Variants in ESRRG observed in about 807,000 individuals in gnomAD.
The protein encoded by ESRRG is estrogen related receptor gamma.
ESRRG carries 13 observed loss-of-function variants against 44.0 expected under a neutral mutation model. That is an observed-to-expected ratio of 0.30 (90% CI 0.19 to 0.47). The LOEUF (loss-of-function observed/expected upper bound fraction) is 0.47. ESRRG is among the 20% of genes least tolerant of loss of function. ESRRG has a pLI of 1.00. For missense variants in ESRRG, 395 were observed against 580.6 expected, an observed-to-expected ratio of 0.68 and a Z score of 3.29; for synonymous variants, 215 against 214.6, an observed-to-expected ratio of 1.00 and a Z score of -0.02.
intron 1 of ESRRG, among the ~76,000 whole-genome samples, chr1:216,977,797 T>C (rs1006898749): frequency 2.0e-5 from 3 of 152,168 alleles, no homozygotes; most frequent in Non-Finnish European, 2.9e-5. Context: ...GTGGGGTCTT[T>C]AAGAGGTGAT....
At chr1:216,803,695 C>A (rs1020255815) in intron 2 of ESRRG, among the ~76,000 whole-genome samples, 1 of 152,132 alleles carries the variant, frequency 6.6e-6, no homozygotes, top group Non-Finnish European at 1.5e-5. Flanking sequence ...ACAATCCCTG[C>A]AGCTCCGAGC....
At position 217,108,948 on chromosome 1, in the gene ESRRG, GAAAT is replaced by G. The variant is rs1327523936; in HGVS notation, c.-230+28715_-230+28718del. ...TCACATGAAACAGCTGCACCAGAGA[GAAAT>G]AAAACAAAACTGTTACATTAAATGG... On this transcript the variant is annotated intron_variant, in intron 1 of 8. Transcript: ENST00000366940. 5.3e-5 allele frequency among the ~76,000 whole-genome samples: 8 copies of G among 152,130 alleles called. No individual in the cohort carries two copies. The East Asian group carries it at 1.5e-3, about 29-fold the overall frequency.
chr1:217,085,481 ATTTTTTTTTTT>A (rs148354268), intron 1 of ESRRG, among the ~76,000 whole-genome samples: 6 of 49,126 alleles, frequency 1.2e-4, no homozygotes, highest in Admixed American at 1.0e-3. Flanking sequence ...TTTTCTTTTC[ATTTTTTTTTTT>A]TTTTTTTTTT....
chr1:216,950,978 A>G (rs568998047), intron 1 of ESRRG, among the ~76,000 whole-genome samples: 1 of 152,314 alleles, frequency 6.6e-6, no homozygotes, highest in South Asian at 2.1e-4. Flanking sequence ...ACAATCCTCT[A>G]ACAAACACTG....
intron 1 of ESRRG, among the ~76,000 whole-genome samples, chr1:217,083,521 A>G (rs2091901388): frequency 6.6e-6 from 1 of 152,206 alleles, no homozygotes; most frequent in African/African-American, 2.4e-5. Context: ...AAATGAAGAA[A>G]CAAAGGTTCA....
chr1:217,016,775 C>T (rs2079445618), intron 1 of ESRRG, among the ~76,000 whole-genome samples: 1 of 152,114 alleles, frequency 6.6e-6, no homozygotes, highest in Admixed American at 6.5e-5. Flanking sequence ...TAAATGGATC[C>T]AATTTGGCCA....
At chr1:216,535,957 T>A (rs536426393) in intron 5 of ESRRG, among the ~76,000 whole-genome samples, 10 of 152,220 alleles carry the variant, frequency 6.6e-5, no homozygotes, top group African/African-American at 1.9e-4. Context: ...TATCATACTG[T>A]AATCACCAAT....
intron 2 of ESRRG, among the ~76,000 whole-genome samples, chr1:216,898,020 T>A (rs1304478959): frequency 6.6e-6 from 1 of 152,156 alleles, no homozygotes; most frequent in Non-Finnish European, 1.5e-5. Context: ...TGCATCCACA[T>A]GTTAAACCAC....
chr1:216,797,279 T>G (rs545075057), intron 2 of ESRRG, among the ~76,000 whole-genome samples: 1 of 152,304 alleles, frequency 6.6e-6, no homozygotes, highest in Admixed American at 6.5e-5. Flanking sequence ...AACTCCATAC[T>G]TTATTCAGAT....
chr1:216,645,347 A>G (rs1180426347), intron 3 of ESRRG, among the ~76,000 whole-genome samples: 2 of 152,108 alleles, frequency 1.3e-5, no homozygotes, highest in Non-Finnish European at 1.5e-5. Flanking sequence ...CATCATCATC[A>G]TCATCATCAT....
chr1:217,103,176 T>C lies in ESRRG; in HGVS notation c.-230+34491A>G, dbSNP rs142194624. Among the ~76,000 whole-genome samples the C allele has an allele frequency of 9.2e-5, 14 of 152,278 alleles. No homozygotes were observed. In the East Asian group the frequency reaches 2.7e-3, roughly 29 times the overall value. On this transcript the variant is annotated intron_variant, in intron 1 of 8. Transcript: ENST00000366940. ...CATGTTTATTCTGTTCATTTGAGCT[T>C]GCTTGCAGGGAGTGGAAGTTGATCG...
intron 3 of ESRRG, among the ~76,000 whole-genome samples, chr1:216,640,732 T>G (rs1228116590): frequency 1.3e-5 from 2 of 152,070 alleles, no homozygotes; most frequent in Non-Finnish European, 2.9e-5. Flanking sequence ...ATTAAATGAG[T>G]CTTATTCAAG....
intron 4 of ESRRG, among the ~76,000 whole-genome samples, chr1:216,565,945 A>G (rs113188845): frequency 6.6e-6 from 1 of 151,174 alleles, no homozygotes; most frequent in East Asian, 1.9e-4. Flanking sequence ...AATAGTAAAG[A>G]GCATAAAAAT....
chr1:216,950,078 G>T (rs1033648418), intron 1 of ESRRG, among the ~76,000 whole-genome samples: 1 of 152,150 alleles, frequency 6.6e-6, no homozygotes, highest in Non-Finnish European at 1.5e-5. Flanking sequence ...CTCCCAAAGT[G>T]CTGGGATTAT....
chr1:216,939,442 A>G (rs972694061), intron 2 of ESRRG: 1 of 151,652 alleles, frequency 6.6e-6, no homozygotes, highest in African/African-American at 2.4e-5. Context: ...ATACCTTACT[A>G]TGAAATACTA....
chr1:216,991,625 ATGGGATG>A (rs1464206208), intron 1 of ESRRG, among the ~76,000 whole-genome samples: 1 of 22,556 alleles, frequency 4.4e-5, no homozygotes, highest in African/African-American at 3.9e-4. Context: ...ATAGGATGGG[ATGGGATG>A]GGATGGGATG....
chr1:216,993,708 T>A (rs966310934), intron 1 of ESRRG, among the ~76,000 whole-genome samples: 3 of 152,204 alleles, frequency 2.0e-5, no homozygotes, highest in Admixed American at 2.0e-4. Flanking sequence ...CCCTGTTGAA[T>A]GACTCACTCC....
At chr1:217,056,473 C>G (rs903155630) in intron 1 of ESRRG, among the ~76,000 whole-genome samples, 1 of 151,850 alleles carries the variant, frequency 6.6e-6, no homozygotes, top group African/African-American at 2.4e-5. Flanking sequence ...TTTTCCACTT[C>G]TGGGCTGACT....
intron 1 of ESRRG, among the ~76,000 whole-genome samples, chr1:217,059,738 G>A (rs961014426): frequency 8.5e-5 from 13 of 152,092 alleles, no homozygotes; most frequent in East Asian, 1.9e-4. Flanking sequence ...GGGGGCAGAG[G>A]GACATATCAA....
Sources: allele counts gnomAD v4.1 joint callset (sites outside exome capture counted in the v4.1 genomes callset), GRCh38; gene constraint gnomAD v4.1.1; transcripts MANE v1.5; gene names NCBI Gene and HGNC (gene_info 2026-07-23, HGNC 2026-07-21).